The following CTCF variants were observed in gnomAD, a reference collection of about 807,000 sequenced individuals.
CTCF encodes the protein transcriptional repressor CTCF.
In CTCF, 7 loss-of-function variants were observed where a neutral mutation model predicts 72.3. The observed-to-expected ratio is 0.10, with a 90% CI of 0.06 to 0.18. CTCF has a LOEUF of 0.18. Ranked by LOEUF, CTCF falls within the 10% of genes least tolerant of loss-of-function variation. CTCF has a pLI of 1.00. For missense variants in CTCF, 516 were observed against 949.1 expected (o/e 0.54, Z 6.00); for synonymous variants, 374 against 315.8 (o/e 1.18, Z -1.95).
intron 1 of CTCF, among the ~76,000 whole-genome samples, chr16:67,569,000 G>A (rs1392477539): frequency 6.6e-6 from 1 of 151,922 alleles, no homozygotes; most frequent in African/African-American, 2.4e-5. Flanking sequence ...ACTACGCCTG[G>A]TTAATTTTTG....
At chr16:67,603,586 AG>A (rs1231934482) in intron 2 of CTCF, among the ~76,000 whole-genome samples, 1 of 151,462 alleles carries the variant, frequency 6.6e-6, no homozygotes, top group African/African-American at 2.4e-5. Flanking sequence ...GTACTTTGGG[AG>A]GCCAAGGCGG....
intron 2 of CTCF, among the ~76,000 whole-genome samples, chr16:67,591,197 G>A (rs1259479974): frequency 1.3e-5 from 2 of 151,826 alleles, no homozygotes; most frequent in African/African-American, 4.8e-5. Context: ...GGAGGCTGAG[G>A]CTGAGAATTG....
chr16:67,577,836 G>T (rs1365146174), intron 2 of CTCF, among the ~76,000 whole-genome samples: 2 of 152,128 alleles, frequency 1.3e-5, no homozygotes, highest in Non-Finnish European at 2.9e-5. Context: ...GGAAGCTCCT[G>T]CATCTGCCCA....
At chr16:67,607,198 C>G (rs1258829311) in intron 2 of CTCF, among the ~76,000 whole-genome samples, 1 of 151,946 alleles carries the variant, frequency 6.6e-6, no homozygotes, top group Non-Finnish European at 1.5e-5. Flanking sequence ...TTCAAGTGAT[C>G]TGCCCGCCTC....
chr16:67,594,465 A>ATCC (rs1186893453), intron 2 of CTCF, among the ~76,000 whole-genome samples: 1 of 150,534 alleles, frequency 6.6e-6, no homozygotes, highest in Non-Finnish European at 1.5e-5. Flanking sequence ...TTTGTGGGGG[A>ATCC]TGAAGTGGGA....
intron 2 of CTCF, among the ~76,000 whole-genome samples, chr16:67,606,108 T>G (rs957384282): frequency 2.0e-5 from 3 of 152,214 alleles, no homozygotes; most frequent in Non-Finnish European, 4.4e-5. Context: ...GGTATTTTGT[T>G]ATTCAAGACC....
Position 67,630,072 on chromosome 16 carries a change from G to A in CTCF, c.1837+539G>A, listed in dbSNP as rs553487485. 3.7e-3 allele frequency among the ~76,000 whole-genome samples: 567 copies of A among 151,826 alleles called. 2 individuals carry two copies. Among genetic ancestry groups the A allele is most frequent in the Non-Finnish European group, 5.2e-3 (354 of 67,960 alleles). On this transcript the variant is annotated intron_variant, in intron 10 of 11. Coordinates refer to ENST00000264010, the MANE Select transcript of CTCF (RefSeq NM_006565.4). ...ATTACAGGTGTGAGCCACTGCGCCC[G>A]GCCATTATTAATGCCTTATACGTAA...
At chr16:67,577,531 G>A (rs7203356) in intron 2 of CTCF, among the ~76,000 whole-genome samples, 3 of 150,660 alleles carry the variant, frequency 2.0e-5, no homozygotes, top group African/African-American at 4.9e-5. Context: ...TCCGCCTCCC[G>A]GGTTCATGTC....
chr16:67,587,583 C>G (rs1053057984), intron 2 of CTCF, among the ~76,000 whole-genome samples: 1 of 150,854 alleles, frequency 6.6e-6, no homozygotes, highest in Admixed American at 6.6e-5. Context: ...TCCTTACTAC[C>G]TAGAGATTGT....
At chr16:67,630,093 C>T (rs554564361) in intron 10 of CTCF, among the ~76,000 whole-genome samples, 2 of 151,906 alleles carry the variant, frequency 1.3e-5, no homozygotes, top group Admixed American at 6.6e-5. Context: ...ATGCCTTATA[C>T]GTAATCTTGA....
chr16:67,591,811 G>GTAA (rs922676206), intron 2 of CTCF, among the ~76,000 whole-genome samples: 4 of 151,980 alleles, frequency 2.6e-5, no homozygotes, highest in African/African-American at 9.7e-5. Flanking sequence ...CCTGGGCTCA[G>GTAA]GCGATCCTCC....
chr16:67,624,379 T>C (rs574775616), intron 7 of CTCF, among the ~76,000 whole-genome samples: 45 of 151,922 alleles, frequency 3.0e-4, no homozygotes, highest in Non-Finnish European at 5.7e-4. Flanking sequence ...CTGAATGTAG[T>C]GAAGACTCCT....
At chr16:67,616,308 T>C (rs2052130830) in intron 4 of CTCF, 1 of 159,846 alleles carries the variant, frequency 6.3e-6, no homozygotes, top group Non-Finnish European at 1.4e-5. Context: ...CCTATATTTA[T>C]AGTCATAATA....
At chr16:67,600,811 G>A (rs2051876505) in intron 2 of CTCF, among the ~76,000 whole-genome samples, 1 of 151,950 alleles carries the variant, frequency 6.6e-6, no homozygotes, top group South Asian at 2.1e-4. Context: ...AGAATATTAG[G>A]TGATTTTCGT....
intron 11 of CTCF, 43 bp from the exon 12 acceptor site, chr16:67,637,645 G>T (rs375619166): frequency 1.3e-6 from 2 of 1,549,724 alleles, no homozygotes; most frequent in Admixed American, 3.6e-5. Context: ...GATTCTTGGG[G>T]CTTTAATGGA....
intron 1 of CTCF, among the ~76,000 whole-genome samples, chr16:67,570,070 G>T (rs1215847732): frequency 6.7e-6 from 1 of 149,192 alleles, no homozygotes; most frequent in African/African-American, 2.5e-5. Context: ...GCAGCCATAA[G>T]AATTAATTTT....
intron 2 of CTCF, among the ~76,000 whole-genome samples, chr16:67,585,371 T>G (rs2051655911): frequency 6.6e-6 from 1 of 152,184 alleles, no homozygotes; most frequent in South Asian, 2.1e-4. Flanking sequence ...TCAGTGTGTA[T>G]TTTTCAGACA....
At chr16:67,636,875 G>C in intron 11 of CTCF, 24 bp downstream of exon 11, 1 of 1,470,432 alleles carries the variant, frequency 6.8e-7, no homozygotes, top group Non-Finnish European at 9.1e-7. Flanking sequence ...CTCTGCTCTG[G>C]AGGCTGGCGT....
At chr16:67,600,771 C>T (rs1054217439) in intron 2 of CTCF, among the ~76,000 whole-genome samples, 1 of 151,756 alleles carries the variant, frequency 6.6e-6, no homozygotes, top group Non-Finnish European at 1.5e-5. Flanking sequence ...AAATATATAC[C>T]TTTAACTGAA....
Sources: allele counts gnomAD v4.1 joint callset (sites outside exome capture counted in the v4.1 genomes callset), GRCh38; gene constraint gnomAD v4.1.1; transcripts MANE v1.5; gene names NCBI Gene and HGNC (gene_info 2026-07-23, HGNC 2026-07-21).